Variants in TLN2 observed in about 807,000 individuals in gnomAD.
TLN2 encodes the protein talin 2, also known as talin-2.
Under a neutral mutation model 294.7 loss-of-function variants are expected in TLN2, and 118 were observed. That is an observed-to-expected ratio of 0.40 (90% CI 0.34 to 0.47). The LOEUF (loss-of-function observed/expected upper bound fraction) is 0.47, where lower values mean the gene tolerates loss of function less well. Ranked by LOEUF, TLN2 falls within the 20% of genes least tolerant of loss-of-function variation. TLN2 has a pLI of 0.84. For missense variants in TLN2, 3,083 were observed against 3,282.2 expected (o/e 0.94, Z 1.48); for synonymous variants, 1,431 against 1,304.5 (o/e 1.10, Z -2.09).
intron 33 of TLN2, 77 bp downstream of exon 33, chr15:62,748,521 ATGTCTGTGTC>A: frequency 8.4e-7 from 1 of 1,188,756 alleles, no homozygotes; most frequent in Admixed American, 1.7e-5. Flanking sequence ...CTGTCTGTCT[ATGTCTGTGTC>A]TGTTCTTTCC....
At chr15:62,450,858 A>G (rs1385597643) in intron 1 of TLN2, among the ~76,000 whole-genome samples, 1 of 151,888 alleles carries the variant, frequency 6.6e-6, no homozygotes. Context: ...GGCATGAGCT[A>G]CCATGCCTGG....
chr15:62,784,253 A>G (rs186892762), intron 45 of TLN2: 1 of 373,234 alleles, frequency 2.7e-6, no homozygotes, highest in East Asian at 3.9e-5. Context: ...CATCCCCCGC[A>G]ATTATTTTTG....
intron 33 of TLN2, among the ~76,000 whole-genome samples, chr15:62,749,092 C>T (rs930477724): frequency 5.3e-5 from 8 of 152,138 alleles, no homozygotes; most frequent in Admixed American, 1.3e-4. Context: ...TAACCAATGC[C>T]GGTTATATTG....
At chr15:62,758,942 A>G (rs1306539997) in intron 37 of TLN2, among the ~76,000 whole-genome samples, 3 of 67,992 alleles carry the variant, frequency 4.4e-5, no homozygotes, top group Non-Finnish European at 1.0e-4. Context: ...CTAACCCCCA[A>G]AGTCCATGAA....
chr15:62,512,750 G>C (rs2039994447), intron 1 of TLN2, among the ~76,000 whole-genome samples: 1 of 152,288 alleles, frequency 6.6e-6, no homozygotes, highest in East Asian at 1.9e-4. Flanking sequence ...TTTGTCCACA[G>C]TGTGTTCCAG....
intron 1 of TLN2, among the ~76,000 whole-genome samples, chr15:62,550,905 G>A (rs764365325): frequency 1.3e-5 from 2 of 152,034 alleles, no homozygotes; most frequent in Non-Finnish European, 2.9e-5. Context: ...TCTTTATTGT[G>A]TACTTTATTT....
intron 14 of TLN2, among the ~76,000 whole-genome samples, chr15:62,695,584 A>G (rs114407359): frequency 0.011 from 1,708 of 152,286 alleles, 42 homozygotes; most frequent in African/African-American, 0.038. Flanking sequence ...GCATCTTCCA[A>G]TCCATTAAAC....
At chr15:62,816,714 A>T (rs556300270) in intron 52 of TLN2, among the ~76,000 whole-genome samples, 15 of 152,292 alleles carry the variant, frequency 9.8e-5, no homozygotes, top group Non-Finnish European at 1.8e-4. Flanking sequence ...GAGTGTCCGC[A>T]CCATACCTTT....
chr15:62,661,876 G>T (rs1309385560), intron 9 of TLN2, among the ~76,000 whole-genome samples: 1 of 152,114 alleles, frequency 6.6e-6, no homozygotes, highest in African/African-American at 2.4e-5. Flanking sequence ...AGATAAAGAA[G>T]ATTATAAAGA....
At chr15:62,432,804 A>G (rs982410595) in intron 1 of TLN2, among the ~76,000 whole-genome samples, 13 of 152,074 alleles carry the variant, frequency 8.5e-5, no homozygotes, top group African/African-American at 2.9e-4. Context: ...ATGCCCTAGA[A>G]TGCATATTTA....
intron 9 of TLN2, among the ~76,000 whole-genome samples, chr15:62,667,189 A>T (rs2054798450): frequency 6.6e-6 from 1 of 151,956 alleles, no homozygotes; most frequent in Non-Finnish European, 1.5e-5. Context: ...GATGGTCTCG[A>T]TCTCCTGACC....
intron 45 of TLN2, among the ~76,000 whole-genome samples, chr15:62,785,512 C>T (rs752160569): frequency 2.0e-5 from 3 of 152,136 alleles, no homozygotes; most frequent in African/African-American, 7.2e-5. Flanking sequence ...AAATACTGGG[C>T]GTGATGGTGT....
intron 9 of TLN2, among the ~76,000 whole-genome samples, chr15:62,667,441 A>G (rs1596583144): frequency 6.6e-6 from 1 of 152,004 alleles, no homozygotes; most frequent in Non-Finnish European, 1.5e-5. Flanking sequence ...TGCTGTCCCT[A>G]TTGTACCTCC....
At chr15:62,411,476 T>TG (rs1595746314) in intron 1 of TLN2, among the ~76,000 whole-genome samples, 14 of 149,338 alleles carry the variant, frequency 9.4e-5, no homozygotes, top group East Asian at 4.0e-4. Context: ...TGTGTGTGTG[T>TG]TTTGTTCCCA....
intron 1 of TLN2, among the ~76,000 whole-genome samples, chr15:62,481,009 G>T (rs1385445542): frequency 6.6e-6 from 1 of 152,210 alleles, no homozygotes; most frequent in Non-Finnish European, 1.5e-5. Flanking sequence ...CCTGCAGCCT[G>T]TGGCTGAGTA....
intron 1 of TLN2, among the ~76,000 whole-genome samples, chr15:62,442,163 G>A (rs901047592): frequency 6.6e-6 from 1 of 151,934 alleles, no homozygotes; most frequent in African/African-American, 2.4e-5. Flanking sequence ...CCGCCACCCC[G>A]ACACCATGTC....
intron 1 of TLN2, among the ~76,000 whole-genome samples, chr15:62,569,388 C>T (rs1253639130): frequency 6.6e-6 from 1 of 152,214 alleles, no homozygotes; most frequent in Non-Finnish European, 1.5e-5. Context: ...ACCCAAGTGA[C>T]AGACATTTGG....
rs138534726 is a variant in TLN2, at chr15:62,799,028, G to A, written c.6235-1340G>A. Among the ~76,000 whole-genome samples, 472 of 152,296 alleles carry A rather than the reference G, an allele frequency of 3.1e-3. 4 individuals carry two copies. The highest frequency in any genetic ancestry group is 5.6e-3 in the Non-Finnish European group (379 of 68,028). On this transcript the variant is annotated intron_variant, in intron 48 of 58. Coordinates refer to ENST00000636159, the MANE Select transcript of TLN2 (RefSeq NM_015059.3). The stretch of plus-strand genomic sequence containing the variant: ...GATCACGCCACTGCACTCTTAATAC[G>A]TTGTCACATCTGAGATCCCAGTTTA...
intron 23 of TLN2, 105 bp downstream of exon 23, chr15:62,716,564 G>C (rs1166593108): frequency 1.4e-6 from 2 of 1,394,320 alleles, no homozygotes; most frequent in Non-Finnish European, 1.9e-6. Flanking sequence ...AGAAAGCCAA[G>C]TCAAGGTTCA....
Sources: gnomAD v4.1 joint callset for allele counts (sites outside exome capture counted in the v4.1 genomes callset) on GRCh38, gnomAD v4.1.1 for gene constraint, MANE v1.5 for transcripts, NCBI Gene and HGNC (gene_info 2026-07-23, HGNC 2026-07-21) for gene names.